The following CACNB2 variants were observed in gnomAD, a reference collection of about 807,000 sequenced individuals.
The protein encoded by CACNB2 is voltage-dependent L-type calcium channel subunit beta-2.
A neutral mutation model predicts 73.3 loss-of-function variants in CACNB2; 42 were observed. The ratio of observed to expected loss-of-function variants is 0.57; its 90% CI spans 0.45 to 0.74. The LOEUF (loss-of-function observed/expected upper bound fraction) is 0.74. Among genes scored for constraint, CACNB2 ranks in the 30% least tolerant of loss-of-function variants. CACNB2 has a pLI of 0.00. For synonymous variants in CACNB2, 348 were observed against 310.3 expected (o/e 1.12, Z -1.28); for missense variants, 940 against 853.0 (o/e 1.10, Z -1.27).
chr10:18,168,688 T>C (rs1430472414), intron 2 of CACNB2, among the ~76,000 whole-genome samples: 1 of 152,240 alleles, frequency 6.6e-6, no homozygotes, highest in Non-Finnish European at 1.5e-5. Flanking sequence ...AACCAAGCTC[T>C]AGGCTCTTTT....
At chr10:18,451,064 G>A (rs1757425249) in intron 3 of CACNB2, among the ~76,000 whole-genome samples, 2 of 152,154 alleles carry the variant, frequency 1.3e-5, no homozygotes, top group Admixed American at 6.5e-5. Flanking sequence ...ACCTATACAT[G>A]CGATAAAAAT....
At chr10:18,354,456 G>A (rs376139880) in intron 2 of CACNB2, among the ~76,000 whole-genome samples, 5 of 152,134 alleles carry the variant, frequency 3.3e-5, no homozygotes, top group East Asian at 3.9e-4. Context: ...AGAGAAACAT[G>A]GCAGCCGAGC....
At chr10:18,141,315 G>T in intron 1 of CACNB2, 1 of 1,041,036 alleles carries the variant, frequency 9.6e-7, no homozygotes, top group Non-Finnish European at 1.5e-6. Context: ...GTGGGTGTGA[G>T]GATGATGGGG....
At chr10:18,195,448 A>G (rs527851211) in intron 2 of CACNB2, among the ~76,000 whole-genome samples, 1 of 152,330 alleles carries the variant, frequency 6.6e-6, no homozygotes, top group East Asian at 1.9e-4. Flanking sequence ...ATCAGGCGAG[A>G]TCCCAGTTCT....
At chr10:18,210,771 T>A (rs997078608) in intron 2 of CACNB2, among the ~76,000 whole-genome samples, 4 of 152,216 alleles carry the variant, frequency 2.6e-5, no homozygotes, top group Admixed American at 6.5e-5. Flanking sequence ...TGTCTCATCA[T>A]TGAGATCAAG....
At chr10:18,435,639 C>T (rs940298397) in intron 3 of CACNB2, among the ~76,000 whole-genome samples, 10 of 152,224 alleles carry the variant, frequency 6.6e-5, no homozygotes, top group African/African-American at 2.2e-4. Flanking sequence ...GCTGAGACTA[C>T]AGGCACACAC....
At chr10:18,281,331 C>A (rs1374403993) in intron 2 of CACNB2, among the ~76,000 whole-genome samples, 1 of 152,182 alleles carries the variant, frequency 6.6e-6, no homozygotes, top group East Asian at 1.9e-4. Flanking sequence ...TCAGCACATA[C>A]TAATGGAGCA....
intron 3 of CACNB2, among the ~76,000 whole-genome samples, chr10:18,434,220 A>T (rs566663123): frequency 6.6e-6 from 1 of 152,304 alleles, no homozygotes; most frequent in African/African-American, 2.4e-5. Context: ...AAACAAATTT[A>T]TATTATAGAG....
chr10:18,303,291 T>C (rs572335095), intron 2 of CACNB2, among the ~76,000 whole-genome samples: 1 of 152,296 alleles, frequency 6.6e-6, no homozygotes, highest in East Asian at 1.9e-4. Context: ...TCACTTGAGC[T>C]GAGGAGTTCA....
chr10:18,519,366 C>G (rs111562594), intron 9 of CACNB2, among the ~76,000 whole-genome samples: 3 of 152,324 alleles, frequency 2.0e-5, no homozygotes, highest in African/African-American at 7.2e-5. Context: ...TCTCATCTCA[C>G]GCTCCCCCAG....
At chr10:18,205,688 G>A (rs1212276956) in intron 2 of CACNB2, among the ~76,000 whole-genome samples, 1 of 152,130 alleles carries the variant, frequency 6.6e-6, no homozygotes, top group Non-Finnish European at 1.5e-5. Context: ...TCTTAGAATT[G>A]GATGGGGTCC....
At chr10:18,537,843 C>A (rs2053755622) in intron 12 of CACNB2, among the ~76,000 whole-genome samples, 2 of 152,170 alleles carry the variant, frequency 1.3e-5, no homozygotes, top group Non-Finnish European at 2.9e-5. Flanking sequence ...CTATTCTATT[C>A]TATTCTGTTC....
At chr10:18,154,202 C>G (rs1054206709) in intron 2 of CACNB2, among the ~76,000 whole-genome samples, 3 of 150,350 alleles carry the variant, frequency 2.0e-5, no homozygotes, top group Non-Finnish European at 4.4e-5. Flanking sequence ...ACTAGGTATA[C>G]TTTTAGGTAG....
At chr10:18,290,099 C>CTTT (rs1223069129) in intron 2 of CACNB2, among the ~76,000 whole-genome samples, 1 of 52,476 alleles carries the variant, frequency 1.9e-5, no homozygotes, top group African/African-American at 5.7e-5. Context: ...AAGTTTTTTT[C>CTTT]TTTTTTCTTT....
At position 18,471,230 on chromosome 10, in the gene CACNB2, C is replaced by A. The variant is rs557575393; in HGVS notation, c.334-27125C>A. On this transcript the variant is annotated intron_variant, in intron 3 of 13. Coordinates refer to ENST00000324631, the MANE Select transcript of CACNB2 (RefSeq NM_201596.3). ...CTGAGGCAGGAGAATAGCTTGAACCCAGGAGGCGGAGGTTGCATTGAGCCA... is the reference window on the plus strand; with the variant it reads ...CTGAGGCAGGAGAATAGCTTGAACCAAGGAGGCGGAGGTTGCATTGAGCCA... Among the ~76,000 whole-genome samples the A allele has an allele frequency of 2.0e-5, 3 of 152,238 alleles. No homozygotes were observed. The South Asian group carries it at 6.2e-4, about 32-fold the overall frequency.
intron 3 of CACNB2, among the ~76,000 whole-genome samples, chr10:18,457,643 C>A (rs1169835987): frequency 6.6e-6 from 1 of 152,050 alleles, no homozygotes; most frequent in Non-Finnish European, 1.5e-5. Flanking sequence ...GTAATCCAAG[C>A]ACTTTGGGAG....
chr10:18,512,945 G>A (rs1325853497), intron 6 of CACNB2, among the ~76,000 whole-genome samples: 1 of 152,128 alleles, frequency 6.6e-6, no homozygotes, highest in African/African-American at 2.4e-5. Context: ...GAAGAACTGG[G>A]CCCTTTTTGT....
chr10:18,318,514 T>G (rs2040277642), intron 2 of CACNB2, among the ~76,000 whole-genome samples: 1 of 152,060 alleles, frequency 6.6e-6, no homozygotes, highest in Non-Finnish European at 1.5e-5. Flanking sequence ...CCTAAAATCA[T>G]AAAAATCCTA....
rs190228588 is a variant in CACNB2 at position 18,315,007 on chromosome 10, G to T, written c.214-86917G>T. 3.1e-3 allele frequency among the ~76,000 whole-genome samples: 475 copies of T among 152,202 alleles called. 1 individual carries two copies. The highest frequency in any genetic ancestry group is 0.011 in the African/African-American group (456 of 41,518). On this transcript the variant is annotated intron_variant, in intron 2 of 13. Coordinates refer to ENST00000324631, the MANE Select transcript of CACNB2 (RefSeq NM_201596.3). ...TAACTCTAACCTAGTAAGTTAGATA[G>T]ACATGTACAAAGTACTTTCTAATTC... is the stretch of plus-strand genomic sequence containing the variant.
Sources: allele counts gnomAD v4.1 joint callset (sites outside exome capture counted in the v4.1 genomes callset), GRCh38; gene constraint gnomAD v4.1.1; transcripts MANE v1.5; gene names NCBI Gene and HGNC (gene_info 2026-07-23, HGNC 2026-07-21).